Variants in RAB27A observed in about 807,000 individuals in gnomAD.
RAB27A encodes ras-related protein Rab-27A.
A neutral mutation model predicts 20.8 loss-of-function variants in RAB27A; 17 were observed. The observed-to-expected ratio is 0.82, with a 90% CI of 0.56 to 1.23. The LOEUF is 1.23. Among genes scored for constraint, RAB27A ranks in the 50% most tolerant of loss-of-function variants. The probability of loss-of-function intolerance (pLI) is 0.00; values close to 1 mark genes in which losing one functional copy is unlikely to be tolerated. For synonymous variants in RAB27A, 85 were observed against 92.8 expected (o/e 0.92, Z 0.48); for missense variants, 277 against 266.7 (o/e 1.04, Z -0.27).
At chr15:55,250,045 C>T (rs970785997) in intron 2 of RAB27A, among the ~76,000 whole-genome samples, 2 of 152,070 alleles carry the variant, frequency 1.3e-5, no homozygotes, top group African/African-American at 4.8e-5. Context: ...TCACTGAAAC[C>T]ACCACCTCCC....
chr15:55,266,351 A>C (rs1198096053), intron 2 of RAB27A, among the ~76,000 whole-genome samples: 1 of 152,220 alleles, frequency 6.6e-6, no homozygotes, highest in Non-Finnish European at 1.5e-5. Flanking sequence ...TTTGCAAGCT[A>C]TCCAGTCTAT....
intron 2 of RAB27A, among the ~76,000 whole-genome samples, chr15:55,262,462 A>G (rs1416023199): frequency 6.6e-6 from 1 of 151,368 alleles, no homozygotes; most frequent in Non-Finnish European, 1.5e-5. Context: ...GAATGGCGTG[A>G]ACCCGGGAGG....
chr15:55,299,714 A>G (rs12901464), intron 2 of RAB27A, among the ~76,000 whole-genome samples: 6,594 of 152,288 alleles, frequency 0.043, 226 homozygotes, highest in Middle Eastern at 0.058. Context: ...TTCTGGGACC[A>G]GAAAAAAACA....
intron 2 of RAB27A, among the ~76,000 whole-genome samples, chr15:55,306,818 G>A (rs903851354): frequency 3.3e-5 from 5 of 152,116 alleles, no homozygotes; most frequent in Non-Finnish European, 7.4e-5. Flanking sequence ...GCATGGAGAG[G>A]GTGCAGTGAG....
At chr15:55,215,143 T>C (rs540978227) in intron 6 of RAB27A, among the ~76,000 whole-genome samples, 1 of 152,308 alleles carries the variant, frequency 6.6e-6, no homozygotes, top group Non-Finnish European at 1.5e-5. Context: ...ATCACAATAA[T>C]GTATACTTCA....
intron 1 of RAB27A, among the ~76,000 whole-genome samples, chr15:55,271,121 C>T (rs1897692798): frequency 6.6e-6 from 1 of 152,182 alleles, no homozygotes; most frequent in Non-Finnish European, 1.5e-5. Flanking sequence ...GATCCATCCT[C>T]CACACCACAC....
chr15:55,275,656 T>C (rs1207089673), intron 1 of RAB27A, among the ~76,000 whole-genome samples: 2 of 149,568 alleles, frequency 1.3e-5, no homozygotes, highest in Admixed American at 1.3e-4. Flanking sequence ...AGGCAACCTA[T>C]AGAAGGGAAA....
At chr15:55,274,973 G>A (rs28860328) in intron 1 of RAB27A, among the ~76,000 whole-genome samples, 1 of 151,160 alleles carries the variant, frequency 6.6e-6, no homozygotes, top group Admixed American at 6.6e-5. Context: ...TAATCCAGTC[G>A]GGCGCAGTGG....
chr15:55,294,243 G>A (rs1296582773), upstream of RAB27A, among the ~76,000 whole-genome samples: 1 of 152,024 alleles, frequency 6.6e-6, no homozygotes, highest in Admixed American at 6.6e-5. Context: ...AATGGAGAAA[G>A]AAGTTTCCTC....
chr15:55,296,080 G>A (rs2054948078), intron 2 of RAB27A, among the ~76,000 whole-genome samples: 1 of 151,106 alleles, frequency 6.6e-6, no homozygotes, highest in Non-Finnish European at 1.5e-5. Context: ...ATTTTTAGTA[G>A]AGACGGGGTT....
At chr15:55,272,279 G>C (rs551605661) in intron 1 of RAB27A, among the ~76,000 whole-genome samples, 2 of 152,136 alleles carry the variant, frequency 1.3e-5, no homozygotes, top group East Asian at 3.9e-4. Context: ...GGCGCCTGTA[G>C]TCCCAGCTAC....
intron 2 of RAB27A, among the ~76,000 whole-genome samples, chr15:55,237,624 G>A (rs1363599553): frequency 6.6e-6 from 1 of 152,084 alleles, no homozygotes; most frequent in African/African-American, 2.4e-5. Context: ...TCATATCACA[G>A]CATCACACCT....
At chr15:55,266,827 C>T (rs1214570635) in intron 2 of RAB27A, among the ~76,000 whole-genome samples, 1 of 152,160 alleles carries the variant, frequency 6.6e-6, no homozygotes, top group East Asian at 1.9e-4. Context: ...CGGTACACAA[C>T]CAGTTAAACA....
At chr15:55,225,489 T>G (rs1895760666) in intron 5 of RAB27A, among the ~76,000 whole-genome samples, 1 of 152,194 alleles carries the variant, frequency 6.6e-6, no homozygotes, top group Non-Finnish European at 1.5e-5. Context: ...CATGCAAGTC[T>G]CAGGTCCCAC....
chr15:55,264,410 T>G (rs1897386892), intron 2 of RAB27A, among the ~76,000 whole-genome samples: 1 of 152,168 alleles, frequency 6.6e-6, no homozygotes, highest in Non-Finnish European at 1.5e-5. Flanking sequence ...TTTTAAACAT[T>G]TTTCCAACCT....
At chr15:55,212,483 T>A (rs964075967) in intron 6 of RAB27A, among the ~76,000 whole-genome samples, 1 of 152,032 alleles carries the variant, frequency 6.6e-6, no homozygotes, top group African/African-American at 2.4e-5. Context: ...ACCATACACT[T>A]GAAGACATTC....
intron 3 of RAB27A, among the ~76,000 whole-genome samples, chr15:55,233,009 T>C (rs1007659763): frequency 1.3e-5 from 2 of 151,876 alleles, no homozygotes; most frequent in African/African-American, 4.8e-5. Context: ...CCTGTAATCC[T>C]AGCTACTTGG....
At chr15:55,210,118 A>G (rs941993271) in intron 6 of RAB27A, among the ~76,000 whole-genome samples, 21 of 139,282 alleles carry the variant, frequency 1.5e-4, no homozygotes, top group Non-Finnish European at 2.7e-4. Context: ...ACACATACAC[A>G]TATGTATATA....
At chr15:55,253,906 T>G (rs1896988086) in intron 2 of RAB27A, among the ~76,000 whole-genome samples, 1 of 152,238 alleles carries the variant, frequency 6.6e-6, no homozygotes, top group Non-Finnish European at 1.5e-5. Flanking sequence ...AGTATCCACG[T>G]GTTTATAACA....
Sources: allele counts gnomAD v4.1 joint callset (sites outside exome capture counted in the v4.1 genomes callset), GRCh38; gene constraint gnomAD v4.1.1; transcripts MANE v1.5; gene names NCBI Gene and HGNC (gene_info 2026-07-23, HGNC 2026-07-21).